Variants in ADCY2 observed in about 807,000 individuals in gnomAD.
ADCY2 encodes the protein adenylate cyclase 2, also known as adenylate cyclase type 2.
Under a neutral mutation model 125.2 loss-of-function variants are expected in ADCY2, and 31 were observed. That is an observed-to-expected ratio of 0.25 (90% CI 0.19 to 0.33). ADCY2 has a LOEUF of 0.33. Among genes scored for constraint, ADCY2 ranks in the 10% least tolerant of loss-of-function variants. The probability of loss-of-function intolerance (pLI) is 1.00; values close to 1 mark genes in which losing one functional copy is unlikely to be tolerated. For missense variants in ADCY2, 904 were observed against 1,418.2 expected (o/e 0.64, Z 5.82); for synonymous variants, 512 against 548.4 (o/e 0.93, Z 0.93).
At chr5:7,780,366 T>G (rs1159588124) in intron 18 of ADCY2, among the ~76,000 whole-genome samples, 1 of 152,204 alleles carries the variant, frequency 6.6e-6, no homozygotes, top group Non-Finnish European at 1.5e-5. Flanking sequence ...CTGCATCGTT[T>G]GATACTGACG....
rs147986414 is a variant in ADCY2, at chr5:7,707,359, A to C, written c.1269-347A>C. On this transcript the variant is annotated intron_variant, in intron 8 of 24. Transcript: ENST00000338316. The stretch of plus-strand genomic sequence containing the variant: ...AGAAGCACGAGAGCAAGCACTGAGA[A>C]AGAAAGTCTACATTATTATACAGAT... 3.3e-4 allele frequency among the ~76,000 whole-genome samples: 50 copies of C among 152,340 alleles called. 1 individual carries two copies. Among genetic ancestry groups the C allele is most frequent in the African/African-American group, 1.2e-3 (48 of 41,586 alleles).
At chr5:7,795,181 G>C (rs183769182) in intron 20 of ADCY2, 10 of 152,228 alleles carry the variant, frequency 6.6e-5, no homozygotes, top group Non-Finnish European at 1.3e-4. Flanking sequence ...TGGGGCCTCA[G>C]AGTCCTCTCA....
chr5:7,614,177 A>G lies in ADCY2; in HGVS notation c.571-11990A>G, dbSNP rs542874433. Among the ~76,000 whole-genome samples, 341 of 152,334 alleles carry G rather than the reference A, an allele frequency of 2.2e-3. 2 individuals are homozygous for G. Among genetic ancestry groups the G allele is most frequent in the Non-Finnish European group, 3.9e-3 (263 of 68,018 alleles). ...GTGTCAACAGAGACCCCAGATCACAATGAACAGAAAACAAAATTGTTTGAG... is the reference window on the plus strand; with the variant it reads ...GTGTCAACAGAGACCCCAGATCACAGTGAACAGAAAACAAAATTGTTTGAG... On this transcript the variant is annotated intron_variant, in intron 3 of 24. Transcript: ENST00000338316.
intron 3 of ADCY2, among the ~76,000 whole-genome samples, chr5:7,534,294 T>C (rs891997486): frequency 2.6e-5 from 4 of 152,266 alleles, no homozygotes; most frequent in Admixed American, 1.3e-4. Context: ...CTGTCAATTA[T>C]GTAATGTTGT....
At chr5:7,398,823 G>A (rs1439169712) in intron 1 of ADCY2, among the ~76,000 whole-genome samples, 2 of 152,212 alleles carry the variant, frequency 1.3e-5, no homozygotes, top group East Asian at 3.9e-4. Flanking sequence ...TCGGGACTGG[G>A]ATGATGTTGG....
At chr5:7,598,097 T>G (rs1737070919) in intron 3 of ADCY2, among the ~76,000 whole-genome samples, 1 of 152,162 alleles carries the variant, frequency 6.6e-6, no homozygotes, top group Non-Finnish European at 1.5e-5. Flanking sequence ...CATGGTGTGG[T>G]GGAGTGCATG....
chr5:7,796,359 T>G (rs1744420814), intron 20 of ADCY2: 1 of 152,216 alleles, frequency 6.6e-6, no homozygotes, highest in South Asian at 2.1e-4. Flanking sequence ...CTCCACTCCA[T>G]GGCTTCTGGA....
intron 3 of ADCY2, among the ~76,000 whole-genome samples, chr5:7,565,794 A>G (rs1165089915): frequency 6.6e-6 from 1 of 152,158 alleles, no homozygotes; most frequent in Non-Finnish European, 1.5e-5. Flanking sequence ...CTGCTCCCCT[A>G]AGAAACCGCA....
chr5:7,722,713 C>T (rs1469007710), intron 12 of ADCY2, among the ~76,000 whole-genome samples: 2 of 152,016 alleles, frequency 1.3e-5, no homozygotes, highest in African/African-American at 4.8e-5. Context: ...AATCCCTGAA[C>T]TTTGCAAGGC....
chr5:7,806,579 T>C (rs73047095), intron 22 of ADCY2, among the ~76,000 whole-genome samples: 139 of 152,284 alleles, frequency 9.1e-4, no homozygotes, highest in African/African-American at 3.2e-3. Flanking sequence ...GCCTTCTCAC[T>C]TCTCTTAGGC....
chr5:7,683,254 G>C (rs1054292283), intron 4 of ADCY2, among the ~76,000 whole-genome samples: 2 of 152,226 alleles, frequency 1.3e-5, no homozygotes, highest in African/African-American at 4.8e-5. Flanking sequence ...TGAAGCTGCA[G>C]CTTGTGGGCA....
intron 24 of ADCY2, among the ~76,000 whole-genome samples, chr5:7,821,070 CCTT>C (rs1489021007): frequency 6.6e-6 from 1 of 152,110 alleles, no homozygotes; most frequent in Admixed American, 6.5e-5. Flanking sequence ...CAACCCCTCA[CCTT>C]CTTCTCTCAA....
chr5:7,554,893 C>T lies in ADCY2; in HGVS notation c.570+33994C>T, dbSNP rs191106193. Among the ~76,000 whole-genome samples, 9 of 152,264 alleles carry T rather than the reference C, an allele frequency of 5.9e-5. No individual in the cohort carries two copies. In the South Asian group the frequency reaches 8.3e-4, roughly 14 times the overall value. On this transcript the variant is annotated intron_variant, in intron 3 of 24. Coordinates refer to ENST00000338316, the MANE Select transcript of ADCY2 (RefSeq NM_020546.3). Reference sequence around the variant, plus strand: ...TGACTATCCCCAGAATGTGAAGGAACGGGAACTATGCTGTTTCTTTGCAAC... The same window carrying T: ...TGACTATCCCCAGAATGTGAAGGAATGGGAACTATGCTGTTTCTTTGCAAC...
intron 4 of ADCY2, among the ~76,000 whole-genome samples, chr5:7,674,414 G>A (rs1001760925): frequency 2.0e-5 from 3 of 152,172 alleles, no homozygotes; most frequent in Non-Finnish European, 4.4e-5. Flanking sequence ...TTCTCCCTGT[G>A]TTTGGTTACG....
intron 3 of ADCY2, among the ~76,000 whole-genome samples, chr5:7,615,804 G>C (rs1434932200): frequency 1.3e-5 from 2 of 152,098 alleles, no homozygotes; most frequent in Non-Finnish European, 2.9e-5. Flanking sequence ...GGTTTTTGTT[G>C]TTGCTGTGAG....
intron 4 of ADCY2, among the ~76,000 whole-genome samples, chr5:7,633,602 T>C (rs1738398918): frequency 6.6e-6 from 1 of 152,188 alleles, no homozygotes; most frequent in South Asian, 2.1e-4. Context: ...AATTAAACCT[T>C]CTAGAAGTTT....
At chr5:7,612,866 A>G (rs1737613485) in intron 3 of ADCY2, among the ~76,000 whole-genome samples, 1 of 152,030 alleles carries the variant, frequency 6.6e-6, no homozygotes. Flanking sequence ...AATACAAAGA[A>G]TTAGCCAGGT....
intron 2 of ADCY2, among the ~76,000 whole-genome samples, chr5:7,429,781 T>C (rs751256122): frequency 6.6e-6 from 1 of 152,206 alleles, no homozygotes; most frequent in Non-Finnish European, 1.5e-5. Context: ...AGGAAAGTGA[T>C]AACATTAAAT....
At chr5:7,610,325 G>A (rs1464277388) in intron 3 of ADCY2, among the ~76,000 whole-genome samples, 1 of 152,158 alleles carries the variant, frequency 6.6e-6, no homozygotes, top group African/African-American at 2.4e-5. Flanking sequence ...TGACTCCAGG[G>A]TGCATGATGC....
Sources: allele counts gnomAD v4.1 joint callset (sites outside exome capture counted in the v4.1 genomes callset), GRCh38; gene constraint gnomAD v4.1.1; transcripts MANE v1.5; gene names NCBI Gene and HGNC (gene_info 2026-07-23, HGNC 2026-07-21).